Variants in PRELID2 observed in about 807,000 individuals in gnomAD.
PRELID2 encodes the protein PRELI domain containing 2.
In PRELID2, 25 loss-of-function variants were observed where a neutral mutation model predicts 28.4. The observed-to-expected ratio is 0.88, with a 90% CI of 0.64 to 1.23. PRELID2 has a LOEUF of 1.23. PRELID2 is among the 50% of genes most tolerant of loss of function. The pLI is 0.00. For missense variants in PRELID2, 201 were observed against 214.4 expected, an observed-to-expected ratio of 0.94 and a Z score of 0.39; for synonymous variants, 76 against 71.6, an observed-to-expected ratio of 1.06 and a Z score of -0.31.
At chr5:145,485,982 A>G (rs1259872837) in intron 1 of PRELID2, among the ~76,000 whole-genome samples, 1 of 152,196 alleles carries the variant, frequency 6.6e-6, no homozygotes, top group African/African-American at 2.4e-5. Flanking sequence ...TGTCAGACAC[A>G]TTTCCAACTT....
At chr5:145,239,971 T>C in the PRELID2 span, among the ~76,000 whole-genome samples, 9 of 152,056 alleles carry the variant, frequency 5.9e-5, no homozygotes, top group Non-Finnish European at 1.0e-4. Flanking sequence ...GCAAAGCATA[T>C]CGTTGAATGC....
the PRELID2 span, among the ~76,000 whole-genome samples, chr5:145,263,260 A>G: frequency 6.6e-6 from 1 of 152,170 alleles, no homozygotes; most frequent in East Asian, 1.9e-4. Context: ...CACTCCACCA[A>G]CAGAACCAGA....
the PRELID2 span, among the ~76,000 whole-genome samples, chr5:145,450,128 T>C: frequency 6.6e-6 from 1 of 152,166 alleles, no homozygotes; most frequent in Non-Finnish European, 1.5e-5. Flanking sequence ...ACTCCTTAAA[T>C]AGCTTCTTAA....
rs138679470 is a variant in PRELID2, at chr5:145,590,537, A to G, written n.71-117222T>C. 5.1e-4 allele frequency among the ~76,000 whole-genome samples: 77 copies of G among 152,302 alleles called. No individual in the cohort carries two copies. The East Asian group carries it at 0.013, about 25-fold the overall frequency. Reference sequence around the variant, plus strand: ...TCTGAGCCTAGAACATGCCTGAAACATGGCAGATAACCAACAATCATCTAC... The same window carrying G: ...TCTGAGCCTAGAACATGCCTGAAACGTGGCAGATAACCAACAATCATCTAC... On this transcript the variant is annotated intron_variant and non_coding_transcript_variant, in intron 1 of 2. Coordinates refer to the PRELID2 transcript ENST00000510259.
chr5:145,261,870 A>G, the PRELID2 span, among the ~76,000 whole-genome samples: 2 of 152,224 alleles, frequency 1.3e-5, no homozygotes, highest in Non-Finnish European at 2.9e-5. Flanking sequence ...AATAATTCAG[A>G]AAGTCCATTA....
intron 1 of PRELID2, among the ~76,000 whole-genome samples, chr5:145,652,597 G>A (rs1483165749): frequency 4.6e-5 from 7 of 152,158 alleles, no homozygotes; most frequent in Non-Finnish European, 7.3e-5. Flanking sequence ...GCCAATATTC[G>A]ACATTCTAAA....
the PRELID2 span, among the ~76,000 whole-genome samples, chr5:145,393,735 G>C: frequency 1.4e-4 from 22 of 152,276 alleles, no homozygotes; most frequent in East Asian, 1.9e-4. Flanking sequence ...TTAGGTTTCA[G>C]TTCACTGTGT....
At chr5:145,492,043 T>C (rs76578475) in intron 1 of PRELID2, among the ~76,000 whole-genome samples, 1,948 of 152,280 alleles carry the variant, frequency 0.013, 16 homozygotes, top group Non-Finnish European at 0.02. Context: ...TTTCCCTTCC[T>C]TTGGATCCCA....
chr5:145,666,361 A>G (rs1463416040), intron 1 of PRELID2, among the ~76,000 whole-genome samples: 2 of 152,100 alleles, frequency 1.3e-5, no homozygotes, highest in Non-Finnish European at 2.9e-5. Context: ...TCGCTGAAGC[A>G]GGAAGGGTAA....
chr5:145,527,411 G>A (rs1752617484), intron 1 of PRELID2, among the ~76,000 whole-genome samples: 1 of 152,124 alleles, frequency 6.6e-6, no homozygotes, highest in Non-Finnish European at 1.5e-5. Flanking sequence ...CCTGGGTTAA[G>A]CATACATAGG....
chr5:145,328,119 CT>C, the PRELID2 span, among the ~76,000 whole-genome samples: 1 of 152,088 alleles, frequency 6.6e-6, no homozygotes, highest in African/African-American at 2.4e-5. Context: ...TGAATTCATC[CT>C]TTTTTATGGC....
At chr5:145,723,755 GACACAACTCTT>G (rs1756055601) in intron 1 of PRELID2, among the ~76,000 whole-genome samples, 2 of 152,184 alleles carry the variant, frequency 1.3e-5, no homozygotes, top group Non-Finnish European at 2.9e-5. Context: ...GAATGTAAAT[GACACAACTCTT>G]ACGTTGGGGG....
the PRELID2 span, among the ~76,000 whole-genome samples, chr5:145,444,083 G>A: frequency 6.6e-6 from 1 of 152,116 alleles, no homozygotes; most frequent in East Asian, 1.9e-4. Flanking sequence ...GCTGATTAGT[G>A]CTTTTCATAT....
chr5:145,571,455 C>T (rs1753014171), intron 1 of PRELID2, among the ~76,000 whole-genome samples: 1 of 152,204 alleles, frequency 6.6e-6, no homozygotes, highest in Non-Finnish European at 1.5e-5. Flanking sequence ...ACATTCCAGA[C>T]TGATTCTTAT....
intron 1 of PRELID2, among the ~76,000 whole-genome samples, chr5:145,673,490 G>GA (rs149296786): frequency 0.21 from 31,311 of 151,422 alleles, 5,917 homozygotes; most frequent in African/African-American, 0.5. Flanking sequence ...GGAAAGAAAA[G>GA]AAAAGAAAAA....
At chr5:145,455,734 G>T in the PRELID2 span, among the ~76,000 whole-genome samples, 1 of 152,116 alleles carries the variant, frequency 6.6e-6, no homozygotes, top group Non-Finnish European at 1.5e-5. Context: ...CTCATGATTT[G>T]GTTTTCTGTT....
intron 1 of PRELID2, among the ~76,000 whole-genome samples, chr5:145,685,915 G>A (rs994052416): frequency 3.3e-5 from 5 of 152,138 alleles, no homozygotes; most frequent in Admixed American, 2.6e-4. Context: ...ATTTTCTGAG[G>A]AAGGATCCAA....
At position 145,813,975 on chromosome 5, in the gene PRELID2, C is replaced by A. The variant is rs567075063; in HGVS notation, c.368+3919G>T. 5.3e-5 allele frequency among the ~76,000 whole-genome samples: 8 copies of A among 152,282 alleles called. No individual in the cohort carries two copies. In the East Asian group the frequency reaches 1.5e-3, roughly 29 times the overall value. On this transcript the variant is annotated intron_variant, in intron 4 of 6. Transcript: ENST00000683046. ...ACAACACTGTTTGTAAGAGCAAAAACAAACAACCTAAGTTTCAATGAGGAA... is the reference window on the plus strand; with the variant it reads ...ACAACACTGTTTGTAAGAGCAAAAAAAAACAACCTAAGTTTCAATGAGGAA...
chr5:145,616,534 C>T (rs1425798889), intron 1 of PRELID2, among the ~76,000 whole-genome samples: 4 of 152,006 alleles, frequency 2.6e-5, no homozygotes, highest in East Asian at 1.9e-4. Flanking sequence ...GCTGGGTGTC[C>T]AGGGGAGACA....
Sources: gnomAD v4.1 joint callset for allele counts (sites outside exome capture counted in the v4.1 genomes callset) on GRCh38, gnomAD v4.1.1 for gene constraint, MANE v1.5 for transcripts, NCBI Gene and HGNC (gene_info 2026-07-23, HGNC 2026-07-21) for gene names.